The following PPFIA2 variants were observed in gnomAD, a reference collection of about 807,000 sequenced individuals.
PPFIA2 encodes liprin-alpha-2.
In PPFIA2, 46 loss-of-function variants were observed where a neutral mutation model predicts 175.5. The observed-to-expected ratio is 0.26, with a 90% CI of 0.21 to 0.34. The LOEUF is 0.34. Among genes scored for constraint, PPFIA2 ranks in the 10% least tolerant of loss-of-function variants. PPFIA2 has a pLI of 1.00. For synonymous variants in PPFIA2, 568 were observed against 511.4 expected (o/e 1.11, Z -1.49); for missense variants, 1,179 against 1,506.1 (o/e 0.78, Z 3.60).
intron 4 of PPFIA2, among the ~76,000 whole-genome samples, chr12:81,495,654 T>G (rs146772124): frequency 8.6e-5 from 13 of 151,874 alleles, no homozygotes; most frequent in African/African-American, 2.7e-4. Flanking sequence ...AAAATACAAA[T>G]ACAAATAAAA....
At chr12:81,513,721 A>T (rs910036670) in intron 4 of PPFIA2, among the ~76,000 whole-genome samples, 1 of 152,004 alleles carries the variant, frequency 6.6e-6, no homozygotes, top group Non-Finnish European at 1.5e-5. Flanking sequence ...AATCTATGCC[A>T]CTTGAAATTG....
intron 4 of PPFIA2, among the ~76,000 whole-genome samples, chr12:81,609,460 G>A (rs1330679765): frequency 1.3e-5 from 2 of 152,108 alleles, no homozygotes; most frequent in South Asian, 2.1e-4. Flanking sequence ...GTGCTCCAAT[G>A]TTGGGTATGT....
chr12:81,702,620 A>G (rs2076630485), intron 3 of PPFIA2, among the ~76,000 whole-genome samples: 1 of 152,128 alleles, frequency 6.6e-6, no homozygotes, highest in South Asian at 2.1e-4. Flanking sequence ...CTCCAATGAC[A>G]CTAGGCTCTT....
intron 3 of PPFIA2, among the ~76,000 whole-genome samples, chr12:81,726,296 A>G (rs960250555): frequency 1.3e-5 from 2 of 151,292 alleles, no homozygotes; most frequent in Admixed American, 6.6e-5. Context: ...TTCTATCAGC[A>G]TATGTCCTTG....
intron 22 of PPFIA2, among the ~76,000 whole-genome samples, chr12:81,325,483 T>C (rs2054562615): frequency 1.3e-5 from 2 of 152,156 alleles, no homozygotes. Flanking sequence ...AATCAGGTTT[T>C]AATTTTGAAC....
chr12:81,650,314 G>T (rs1318084273), intron 4 of PPFIA2, among the ~76,000 whole-genome samples: 1 of 151,850 alleles, frequency 6.6e-6, no homozygotes, highest in Admixed American at 6.6e-5. Context: ...CAGCAAAATT[G>T]TGTATTTTTA....
chr12:81,315,240 C>A, intron 22 of PPFIA2, among the ~76,000 whole-genome samples: 1 of 151,784 alleles, frequency 6.6e-6, no homozygotes, highest in East Asian at 1.9e-4. Flanking sequence ...CTAGGTAATG[C>A]TGAATTTCAC....
rs1567154202 is a variant in PPFIA2, at chr12:81,516,384, A to C, written c.304-58518T>G. Among the ~76,000 whole-genome samples the C allele has an allele frequency of 3.3e-5, 5 of 152,284 alleles. No homozygotes were observed. The East Asian group carries it at 5.8e-4, about 18-fold the overall frequency. On this transcript the variant is annotated intron_variant, in intron 4 of 32. Coordinates refer to ENST00000549396, the MANE Select transcript of PPFIA2 (RefSeq NM_003625.5). ...TTTCCAATTATAATTTGATATATAA[A>C]ATAAAATTTCACTTTGTTGTTATGG...
At chr12:81,699,023 G>A (rs2076206152) in intron 3 of PPFIA2, among the ~76,000 whole-genome samples, 1 of 152,016 alleles carries the variant, frequency 6.6e-6, no homozygotes, top group South Asian at 2.1e-4. Flanking sequence ...AAAAGCCTTA[G>A]ATCACATATT....
intron 10 of PPFIA2, among the ~76,000 whole-genome samples, chr12:81,375,474 C>T (rs576427071): frequency 4.8e-4 from 73 of 152,190 alleles, no homozygotes; most frequent in African/African-American, 1.7e-3. Flanking sequence ...AGTGTCTTTA[C>T]TACAATAACG....
At chr12:81,721,089 A>C (rs1255882598) in intron 3 of PPFIA2, among the ~76,000 whole-genome samples, 4 of 151,032 alleles carry the variant, frequency 2.6e-5, no homozygotes, top group Non-Finnish European at 5.9e-5. Context: ...AAAAAAAAAA[A>C]AAGGTGGCCG....
At chr12:81,441,912 G>A (rs923555747) in intron 6 of PPFIA2, among the ~76,000 whole-genome samples, 2 of 152,030 alleles carry the variant, frequency 1.3e-5, no homozygotes, top group African/African-American at 2.4e-5. Context: ...GTAGAGAGAG[G>A]AAGTTACCAT....
At chr12:81,394,491 C>A (rs1213271726) in intron 8 of PPFIA2, among the ~76,000 whole-genome samples, 3 of 151,894 alleles carry the variant, frequency 2.0e-5, no homozygotes. Context: ...TTGTTTATCC[C>A]TAGGAAAAGA....
intron 4 of PPFIA2, among the ~76,000 whole-genome samples, chr12:81,621,535 GGTTA>G (rs1460851519): frequency 2.0e-5 from 3 of 152,176 alleles, no homozygotes; most frequent in Non-Finnish European, 4.4e-5. Flanking sequence ...GGATGCAGAG[GGTTA>G]GTTAGAGGGG....
chr12:81,445,870 T>C (rs1277144154), intron 5 of PPFIA2, 150 bp from the exon 6 acceptor site: 2 of 611,910 alleles, frequency 3.3e-6, no homozygotes, highest in South Asian at 2.9e-5. Flanking sequence ...AGCACAGACC[T>C]GTTTAAAACA....
At chr12:81,293,912 T>A (rs1051128599) in intron 24 of PPFIA2, among the ~76,000 whole-genome samples, 1 of 152,172 alleles carries the variant, frequency 6.6e-6, no homozygotes, top group Non-Finnish European at 1.5e-5. Context: ...AGTGGATGAT[T>A]GGATAAATAA....
intron 7 of PPFIA2, among the ~76,000 whole-genome samples, chr12:81,427,620 G>A (rs533578924): frequency 6.1e-4 from 93 of 152,094 alleles, no homozygotes; most frequent in Middle Eastern, 3.4e-3. Context: ...AAAAAAAGGA[G>A]ATGTAGTCGT....
At chr12:81,362,984 C>G (rs987454991) in intron 14 of PPFIA2, among the ~76,000 whole-genome samples, 200 bp from the exon 15 acceptor site, 2 of 151,476 alleles carry the variant, frequency 1.3e-5, no homozygotes, top group Non-Finnish European at 3.0e-5. Context: ...AAAAATTTAT[C>G]TACAATCTCT....
chr12:81,707,399 C>A (rs2077311288), intron 3 of PPFIA2, among the ~76,000 whole-genome samples: 2 of 152,146 alleles, frequency 1.3e-5, no homozygotes, highest in Non-Finnish European at 2.9e-5. Flanking sequence ...GACATTTATG[C>A]AGCCAAAAAA....
Sources: allele counts gnomAD v4.1 joint callset (sites outside exome capture counted in the v4.1 genomes callset), GRCh38; gene constraint gnomAD v4.1.1; transcripts MANE v1.5; gene names NCBI Gene and HGNC (gene_info 2026-07-23, HGNC 2026-07-21).